DENND1A: variants seen among roughly 807,000 people sequenced by gnomAD.
DENND1A encodes DENN domain-containing protein 1A.
A neutral mutation model predicts 113.7 loss-of-function variants in DENND1A; 51 were observed. The ratio of observed to expected loss-of-function variants is 0.45; its 90% CI spans 0.36 to 0.57. DENND1A has a LOEUF of 0.57. Ranked by LOEUF, DENND1A falls within the 20% of genes least tolerant of loss-of-function variation. The pLI is 0.00. For missense variants in DENND1A, 1,258 were observed against 1,395.9 expected (o/e 0.90, Z 1.57); for synonymous variants, 565 against 570.8 (o/e 0.99, Z 0.14).
intron 2 of DENND1A, among the ~76,000 whole-genome samples, chr9:123,859,144 A>G (rs879343030): frequency 6.6e-6 from 1 of 152,226 alleles, no homozygotes; most frequent in Non-Finnish European, 1.5e-5. Context: ...CTAACAGTAT[A>G]AACCTGACAT....
chr9:123,739,459 AAG>A (rs2068820934), intron 5 of DENND1A, among the ~76,000 whole-genome samples: 1 of 152,200 alleles, frequency 6.6e-6, no homozygotes, highest in South Asian at 2.1e-4. Flanking sequence ...AAACAAAACT[AAG>A]AGAGAAAGTC....
chr9:123,836,684 A>T (rs1366194494), intron 2 of DENND1A, among the ~76,000 whole-genome samples: 1 of 152,116 alleles, frequency 6.6e-6, no homozygotes, highest in Non-Finnish European at 1.5e-5. Context: ...AAATACTAAA[A>T]TGTTACTGCA....
intron 11 of DENND1A, among the ~76,000 whole-genome samples, chr9:123,605,328 CAGG>C (rs146057076): frequency 6.6e-6 from 1 of 152,272 alleles, no homozygotes; most frequent in African/African-American, 2.4e-5. Flanking sequence ...ATTTATCAAA[CAGG>C]AGAAGCACCA....
At chr9:123,870,848 G>A (rs554119122) in intron 2 of DENND1A, among the ~76,000 whole-genome samples, 3 of 151,966 alleles carry the variant, frequency 2.0e-5, no homozygotes, top group Admixed American at 6.6e-5. Context: ...AGAATTGTTC[G>A]AGCTTTAAGA....
At chr9:123,744,580 G>T (rs73667912) in intron 5 of DENND1A, among the ~76,000 whole-genome samples, 27,437 of 151,926 alleles carry the variant, frequency 0.18, 2,779 homozygotes, top group African/African-American at 0.29. Context: ...TCAACAGTGT[G>T]TAAGTGCCTA....
intron 2 of DENND1A, among the ~76,000 whole-genome samples, chr9:123,854,423 C>T (rs2133191981): frequency 6.6e-6 from 1 of 152,212 alleles, no homozygotes. Flanking sequence ...AAGCTGGGCA[C>T]GGTGGTTCAC....
At chr9:123,399,504 A>C (rs2043315307) in intron 21 of DENND1A, among the ~76,000 whole-genome samples, 2 of 152,256 alleles carry the variant, frequency 1.3e-5, no homozygotes, top group South Asian at 4.2e-4. Flanking sequence ...ACTAGCTGGG[A>C]CTACAGGTAC....
chr9:123,854,694 C>CA (rs5900588), intron 2 of DENND1A, among the ~76,000 whole-genome samples: 94,175 of 143,584 alleles, frequency 0.66, 33,882 homozygotes, highest in Non-Finnish European at 0.79. Flanking sequence ...TACTCTGTCT[C>CA]AAAAAAAAAA....
At chr9:123,789,480 A>G (rs1197912905) in intron 3 of DENND1A, among the ~76,000 whole-genome samples, 4 of 152,138 alleles carry the variant, frequency 2.6e-5, no homozygotes, top group Non-Finnish European at 5.9e-5. Flanking sequence ...CTTCTTCTGT[A>G]GTGATGGATC....
chr9:123,431,773 A>G (rs1026777758), intron 19 of DENND1A, among the ~76,000 whole-genome samples: 17 of 140,984 alleles, frequency 1.2e-4, no homozygotes, highest in African/African-American at 3.2e-4. Flanking sequence ...CTTGGTGGGC[A>G]GTGAGCAATT....
intron 21 of DENND1A, among the ~76,000 whole-genome samples, chr9:123,397,848 A>G (rs1412815740): frequency 1.3e-5 from 2 of 152,218 alleles, no homozygotes; most frequent in African/African-American, 4.8e-5. Flanking sequence ...TGGCCAGAGA[A>G]GTGAGCTGGG....
At chr9:123,518,597 A>T (rs947360157) in intron 13 of DENND1A, among the ~76,000 whole-genome samples, 1 of 152,166 alleles carries the variant, frequency 6.6e-6, no homozygotes, top group African/African-American at 2.4e-5. Context: ...ATAATAATTT[A>T]TTTTAAAAAA....
At chr9:123,637,933 GCACACACACACACACA>G (rs1185018176) in intron 9 of DENND1A, among the ~76,000 whole-genome samples, 4 of 74,080 alleles carry the variant, frequency 5.4e-5, no homozygotes, top group African/African-American at 1.7e-4. Flanking sequence ...ACACACACAC[GCACACACACACACACA>G]CGCGCACACA....
chr9:123,707,289 G>C (rs971079425), intron 5 of DENND1A, among the ~76,000 whole-genome samples: 2 of 152,048 alleles, frequency 1.3e-5, no homozygotes, highest in East Asian at 1.9e-4. Context: ...AGCTACTCGC[G>C]AGGCTGAGGC....
intron 2 of DENND1A, among the ~76,000 whole-genome samples, chr9:123,805,947 G>A (rs1835475426): frequency 6.6e-6 from 1 of 152,020 alleles, no homozygotes. Flanking sequence ...TGACATACTG[G>A]TTTTGGGGGG....
intron 21 of DENND1A, among the ~76,000 whole-genome samples, chr9:123,399,047 C>G (rs4607687): frequency 0.21 from 31,990 of 151,870 alleles, 3,461 homozygotes; most frequent in East Asian, 0.31. Context: ...CCGCCCGCCT[C>G]GGCCTCCCAA....
chr9:123,898,732 GA>G (rs1281620932), intron 1 of DENND1A, among the ~76,000 whole-genome samples: 1 of 152,216 alleles, frequency 6.6e-6, no homozygotes, highest in Non-Finnish European at 1.5e-5. Flanking sequence ...AGGTTTTGAA[GA>G]GCAAAAGACT....
At chr9:123,625,907 C>T (rs948031718) in intron 10 of DENND1A, among the ~76,000 whole-genome samples, 4 of 152,158 alleles carry the variant, frequency 2.6e-5, no homozygotes, top group African/African-American at 4.8e-5. Context: ...CAGGGGGAAC[C>T]GTGCGACAGG....
At chr9:123,891,612 C>T (rs1049790106) in intron 1 of DENND1A, among the ~76,000 whole-genome samples, 13 of 152,142 alleles carry the variant, frequency 8.5e-5, no homozygotes, top group Non-Finnish European at 1.8e-4. Context: ...CTTTAGAAGA[C>T]CTTGAAATAT....
Sources: allele counts gnomAD v4.1 joint callset (sites outside exome capture counted in the v4.1 genomes callset), GRCh38; gene constraint gnomAD v4.1.1; transcripts MANE v1.5; gene names NCBI Gene and HGNC (gene_info 2026-07-23, HGNC 2026-07-21).